The following GUCY2C variants were observed in gnomAD, a reference collection of about 807,000 sequenced individuals.
GUCY2C encodes guanylyl cyclase C.
A neutral mutation model predicts 131.1 loss-of-function variants in GUCY2C; 118 were observed. The ratio of observed to expected loss-of-function variants is 0.90; its 90% CI spans 0.78 to 1.05. GUCY2C has a LOEUF of 1.05. Among genes scored for constraint, GUCY2C ranks in the 50% least tolerant of loss-of-function variants. GUCY2C has a pLI of 0.00. For synonymous variants in GUCY2C, 452 were observed against 457.8 expected, an observed-to-expected ratio of 0.99 and a Z score of 0.16; for missense variants, 1,161 against 1,304.4, an observed-to-expected ratio of 0.89 and a Z score of 1.69.
In GUCY2C at chr12:14,617,818, C is replaced by T. The variant is rs532316173; in HGVS notation, c.2876-1091G>A. ...AACCCTCTTGGCACGGTTGGTATTC[C>T]ATTTTCAATTTGTATCTTTATCTTT... On this transcript the variant is annotated intron_variant, in intron 24 of 26. Coordinates refer to ENST00000261170, the MANE Select transcript of GUCY2C (RefSeq NM_004963.4). Among the ~76,000 whole-genome samples the T allele has an allele frequency of 3.3e-5, 5 of 152,282 alleles. 1 individual carries two copies. The highest frequency in any genetic ancestry group is 1.2e-4 in the African/African-American group (5 of 41,562).
At chr12:14,620,600 A>G (rs964667130) in intron 23 of GUCY2C, among the ~76,000 whole-genome samples, 2 of 152,064 alleles carry the variant, frequency 1.3e-5, no homozygotes, top group African/African-American at 2.4e-5. Context: ...CAGGGAAGGG[A>G]GGGGGTATAA....
Position 14,658,454 on chromosome 12 carries a change from A to G in GUCY2C, c.1365-1837T>C, listed in dbSNP as rs1592120328. On this transcript the variant is annotated intron_variant, in intron 11 of 26. Transcript: ENST00000261170. ...TACATTGGGAGGCCAAGGTGGGTGG[A>G]TCACTAGAGGTCAGGAGTTGAGACC... Among the ~76,000 whole-genome samples, 4 of 152,306 alleles carry G rather than the reference A, an allele frequency of 2.6e-5. No individual in the cohort carries two copies. In the Middle Eastern group the frequency reaches 0.01, roughly 389 times the overall value.
At chr12:14,631,735 G>A (rs1947151005) in intron 19 of GUCY2C, among the ~76,000 whole-genome samples, 1 of 147,190 alleles carries the variant, frequency 6.8e-6, no homozygotes, top group African/African-American at 2.5e-5. Context: ...TAGTCCTTTG[G>A]GTATATACCC....
intron 21 of GUCY2C, among the ~76,000 whole-genome samples, chr12:14,622,683 T>C (rs1363017399): frequency 6.6e-6 from 1 of 152,176 alleles, no homozygotes; most frequent in African/African-American, 2.4e-5. Context: ...TTGCTTAATA[T>C]TACTATGAAA....
chr12:14,651,991 A>G lies in GUCY2C; in HGVS notation c.1573T>C (p.Phe525Leu). Residue 525 changes from phenylalanine to leucine, a missense_variant, in exon 14 of 27, where the codon TTC becomes CTC. Coordinates refer to ENST00000261170, the MANE Select transcript of GUCY2C (RefSeq NM_004963.4). Reference protein sequence around the residue: ...LKDLKHNDGNFTEKQKIELNK... With the variant: ...LKDLKHNDGNLTEKQKIELNK... ...AATTCTATCTTCTGTTTTTCAGTGAAATTACCATCATTGTGCTTGAGATCT... is the reference window on the plus strand; with the variant it reads ...AATTCTATCTTCTGTTTTTCAGTGAGATTACCATCATTGTGCTTGAGATCT... 1.9e-6 allele frequency: 3 copies of G among 1,601,822 alleles called. No individual in the cohort carries two copies. Among genetic ancestry groups the G allele is most frequent in the Non-Finnish European group, 2.6e-6 (3 of 1,169,400 alleles).
intron 12 of GUCY2C, among the ~76,000 whole-genome samples, chr12:14,656,289 C>T (rs1200568583): frequency 6.6e-6 from 1 of 152,182 alleles, no homozygotes; most frequent in African/African-American, 2.4e-5. Context: ...AACGAGAACA[C>T]ACCATATCTC....
At chr12:14,654,405 C>A (rs1338425469) in intron 12 of GUCY2C, among the ~76,000 whole-genome samples, 1 of 152,106 alleles carries the variant, frequency 6.6e-6, no homozygotes, top group Non-Finnish European at 1.5e-5. Flanking sequence ...CTGATGAGCT[C>A]TCTGTACAGC....
At chr12:14,622,330 C>T (rs547853595) in intron 21 of GUCY2C, 133 bp from the exon 22 acceptor site, 10 of 575,014 alleles carry the variant, frequency 1.7e-5, no homozygotes, top group South Asian at 7.9e-5. Flanking sequence ...TTGAGTGAAT[C>T]GGAAACAGAG....
chr12:14,672,734 G>C (rs981924185), intron 9 of GUCY2C, 139 bp downstream of exon 9: 1 of 620,030 alleles, frequency 1.6e-6, no homozygotes, highest in South Asian at 1.9e-5. Context: ...TAAGTGGGGC[G>C]TAATTGTGAA....
intron 12 of GUCY2C, among the ~76,000 whole-genome samples, chr12:14,655,458 T>A (rs1200081351): frequency 6.6e-6 from 1 of 152,096 alleles, no homozygotes; most frequent in African/African-American, 2.4e-5. Context: ...GGTCTTTGGA[T>A]AGACATGAGG....
intron 3 of GUCY2C, 128 bp downstream of exon 3, chr12:14,686,033 T>C: frequency 1.6e-6 from 1 of 638,240 alleles, no homozygotes; most frequent in Non-Finnish European, 2.8e-6. Flanking sequence ...GAATGACAGT[T>C]ATGGGGAGAT....
chr12:14,631,558 G>A (rs1313443574), intron 19 of GUCY2C, among the ~76,000 whole-genome samples: 2 of 151,924 alleles, frequency 1.3e-5, no homozygotes, highest in African/African-American at 2.4e-5. Context: ...AAGGACACGA[G>A]CTCATCATTT....
At chr12:14,653,631 G>A (rs990468082) in intron 12 of GUCY2C, among the ~76,000 whole-genome samples, 6 of 152,202 alleles carry the variant, frequency 3.9e-5, no homozygotes, top group Non-Finnish European at 4.4e-5. Flanking sequence ...GGCCACATAT[G>A]GCTCTTGGCC....
At chr12:14,616,019 T>C (rs1245199243) in intron 25 of GUCY2C, among the ~76,000 whole-genome samples, 1 of 152,164 alleles carries the variant, frequency 6.6e-6, no homozygotes, top group African/African-American at 2.4e-5. Flanking sequence ...GCATGAAGAA[T>C]CTGGAATAGC....
At chr12:14,630,494 C>A (rs1416408386) in intron 19 of GUCY2C, among the ~76,000 whole-genome samples, 1 of 152,124 alleles carries the variant, frequency 6.6e-6, no homozygotes, top group African/African-American at 2.4e-5. Flanking sequence ...CATGTACCGA[C>A]CTTTTTTTTC....
At chr12:14,638,466 A>C (rs1296407643) in intron 19 of GUCY2C, among the ~76,000 whole-genome samples, 1 of 152,248 alleles carries the variant, frequency 6.6e-6, no homozygotes, top group Non-Finnish European at 1.5e-5. Context: ...GAATCAACTT[A>C]AATGTCCATC....
intron 19 of GUCY2C, among the ~76,000 whole-genome samples, chr12:14,630,007 A>C (rs1947105797): frequency 6.6e-6 from 1 of 152,074 alleles, no homozygotes; most frequent in South Asian, 2.1e-4. Flanking sequence ...GCTGCAGTAG[A>C]GAAGTGACAT....
intron 21 of GUCY2C, among the ~76,000 whole-genome samples, chr12:14,624,435 C>A (rs1161930376): frequency 1.3e-5 from 2 of 151,270 alleles, no homozygotes; most frequent in African/African-American, 4.9e-5. Context: ...GAGTGAAACT[C>A]CATCTCAAAA....
intron 15 of GUCY2C, among the ~76,000 whole-genome samples, chr12:14,648,168 G>A (rs952609130): frequency 1.2e-4 from 18 of 151,516 alleles, no homozygotes; most frequent in African/African-American, 4.4e-4. Flanking sequence ...CACTATGTTG[G>A]CCAGGCTGGT....
Sources: gnomAD v4.1 joint callset for allele counts (sites outside exome capture counted in the v4.1 genomes callset) on GRCh38, gnomAD v4.1.1 for gene constraint, MANE v1.5 for transcripts, NCBI Gene and HGNC (gene_info 2026-07-23, HGNC 2026-07-21) for gene names.